Variants in GRIK1 observed in about 807,000 individuals in gnomAD.
GRIK1 encodes glutamate receptor ionotropic, kainate 1.
Under a neutral mutation model 105.7 loss-of-function variants are expected in GRIK1, and 69 were observed. That is an observed-to-expected ratio of 0.65 (90% CI 0.54 to 0.80). The LOEUF (loss-of-function observed/expected upper bound fraction) is 0.80, where lower values mean the gene tolerates loss of function less well. GRIK1 is among the 30% of genes least tolerant of loss of function. The pLI, the probability that GRIK1 is intolerant of heterozygous loss-of-function variation, is 0.00. For synonymous variants in GRIK1, 438 were observed against 431.3 expected, an observed-to-expected ratio of 1.02 and a Z score of -0.19; for missense variants, 1,109 against 1,167.3, an observed-to-expected ratio of 0.95 and a Z score of 0.73.
chr21:29,594,513 A>G (rs1001228864), intron 9 of GRIK1, among the ~76,000 whole-genome samples: 8 of 152,198 alleles, frequency 5.3e-5, no homozygotes, highest in Admixed American at 1.3e-4. Flanking sequence ...TGGATCAGTT[A>G]CTTGTGGGGA....
chr21:29,881,522 G>T (rs1191066023), intron 1 of GRIK1, among the ~76,000 whole-genome samples: 1 of 152,076 alleles, frequency 6.6e-6, no homozygotes, highest in Non-Finnish European at 1.5e-5. Flanking sequence ...TCTAACACAT[G>T]TATCTGGAAC....
At chr21:29,590,006 G>A (rs985492005) in intron 10 of GRIK1, among the ~76,000 whole-genome samples, 1 of 151,946 alleles carries the variant, frequency 6.6e-6, no homozygotes, top group Non-Finnish European at 1.5e-5. Flanking sequence ...TGCATCATCA[G>A]TCCCCTCTCC....
chr21:29,579,983 G>GTATATATA (rs1374699083), intron 13 of GRIK1, among the ~76,000 whole-genome samples: 7 of 137,378 alleles, frequency 5.1e-5, no homozygotes, highest in African/African-American at 1.7e-4. Context: ...ATATATATAT[G>GTATATATA]TGTGTATATA....
At chr21:29,682,591 A>G (rs1166719814) in intron 3 of GRIK1, among the ~76,000 whole-genome samples, 2 of 152,218 alleles carry the variant, frequency 1.3e-5, no homozygotes, top group Non-Finnish European at 2.9e-5. Flanking sequence ...GTAGAAGAAT[A>G]AAACAGGACC....
At chr21:29,729,462 A>C (rs2064555815) in intron 1 of GRIK1, among the ~76,000 whole-genome samples, 1 of 152,214 alleles carries the variant, frequency 6.6e-6, no homozygotes, top group Admixed American at 6.5e-5. Context: ...GGTGTTTGTC[A>C]TATTCAGTAT....
At chr21:29,889,930 A>G (rs1200830712) in intron 1 of GRIK1, among the ~76,000 whole-genome samples, 1 of 152,074 alleles carries the variant, frequency 6.6e-6, no homozygotes, top group Non-Finnish European at 1.5e-5. Context: ...TTTATTTTGA[A>G]TAACTGTGTC....
chr21:29,611,167 C>G (rs188051600), intron 7 of GRIK1, among the ~76,000 whole-genome samples: 72 of 152,258 alleles, frequency 4.7e-4, no homozygotes, highest in African/African-American at 1.7e-3. Flanking sequence ...ATGATTTAAT[C>G]CTCTAGAGGA....
intron 1 of GRIK1, among the ~76,000 whole-genome samples, chr21:29,737,608 C>T (rs1020893379): frequency 2.6e-5 from 4 of 152,204 alleles, no homozygotes; most frequent in African/African-American, 9.7e-5. Flanking sequence ...GGGTTTTTAG[C>T]TTTTCTTCTC....
intron 13 of GRIK1, among the ~76,000 whole-genome samples, chr21:29,579,963 G>A (rs895438786): frequency 8.1e-5 from 10 of 122,894 alleles, no homozygotes; most frequent in African/African-American, 3.0e-4. Context: ...ATATGTGTGT[G>A]TGTATATATA....
At chr21:29,583,525 T>C (rs2146264918) in intron 12 of GRIK1, among the ~76,000 whole-genome samples, 1 of 152,300 alleles carries the variant, frequency 6.6e-6, no homozygotes, top group South Asian at 2.1e-4. Flanking sequence ...CTCCCAGATA[T>C]GCTCCCATCG....
chr21:29,668,615 T>G (rs1048335623), intron 4 of GRIK1, among the ~76,000 whole-genome samples: 1 of 152,206 alleles, frequency 6.6e-6, no homozygotes, highest in African/African-American at 2.4e-5. Flanking sequence ...CAATTTTCAA[T>G]TGCAAAAGAG....
intron 7 of GRIK1, among the ~76,000 whole-genome samples, chr21:29,609,478 G>A (rs974556699): frequency 1.3e-5 from 2 of 152,098 alleles, no homozygotes; most frequent in African/African-American, 4.8e-5. Context: ...CACATTAAAC[G>A]TTGTTTCTGG....
intron 3 of GRIK1, among the ~76,000 whole-genome samples, chr21:29,676,090 T>C (rs1453404582): frequency 1.3e-5 from 2 of 152,192 alleles, no homozygotes; most frequent in Admixed American, 6.6e-5. Flanking sequence ...AGTTGTTTCA[T>C]AAAAGAAGGT....
chr21:29,652,020 C>T (rs898378499), intron 5 of GRIK1, among the ~76,000 whole-genome samples: 4 of 152,046 alleles, frequency 2.6e-5, no homozygotes, highest in Admixed American at 1.3e-4. Flanking sequence ...TTAGATAAGT[C>T]AAGAGGAGGA....
intron 1 of GRIK1, among the ~76,000 whole-genome samples, chr21:29,850,586 G>T (rs2068274287): frequency 6.6e-6 from 1 of 152,122 alleles, no homozygotes; most frequent in African/African-American, 2.4e-5. Flanking sequence ...GATGCCACAG[G>T]TTATTGATGG....
chr21:29,896,856 G>A (rs892522300), intron 1 of GRIK1, among the ~76,000 whole-genome samples: 14 of 152,164 alleles, frequency 9.2e-5, no homozygotes, highest in Non-Finnish European at 1.8e-4. Context: ...CAGTGGCTCT[G>A]TAAACGTGAG....
chr21:29,773,850 A>C (rs455804), intron 1 of GRIK1, among the ~76,000 whole-genome samples: 111,743 of 152,080 alleles, frequency 0.73, 41,718 homozygotes, highest in Middle Eastern at 0.83. Flanking sequence ...AACTAAGGCA[A>C]TTTAAACTAC....
chr21:29,598,616 A>C (rs1437090784), intron 8 of GRIK1, among the ~76,000 whole-genome samples: 1 of 152,208 alleles, frequency 6.6e-6, no homozygotes, highest in Non-Finnish European at 1.5e-5. Context: ...CAATAGAAAC[A>C]CTAGTTAGTA....
intron 3 of GRIK1, among the ~76,000 whole-genome samples, chr21:29,686,852 C>A (rs1451949803): frequency 6.6e-6 from 1 of 152,192 alleles, no homozygotes; most frequent in African/African-American, 2.4e-5. Context: ...CTCAGCTTCT[C>A]AGCTCTTTTT....
Sources: gnomAD v4.1 joint callset for allele counts (sites outside exome capture counted in the v4.1 genomes callset) on GRCh38, gnomAD v4.1.1 for gene constraint, MANE v1.5 for transcripts, NCBI Gene and HGNC (gene_info 2026-07-23, HGNC 2026-07-21) for gene names.